Variants in PCDH9 observed in about 807,000 individuals in gnomAD.
The protein encoded by PCDH9 is protocadherin 9, also known as protocadherin-9.
In PCDH9, 24 loss-of-function variants were observed where a neutral mutation model predicts 70.6. The observed-to-expected ratio is 0.34, with a 90% CI of 0.25 to 0.48. PCDH9 has a LOEUF of 0.48. PCDH9 is among the 20% of genes least tolerant of loss of function. The pLI is 0.99. For synonymous variants in PCDH9, 562 were observed against 558.5 expected, an observed-to-expected ratio of 1.01 and a Z score of -0.09; for missense variants, 1,281 against 1,503.6, an observed-to-expected ratio of 0.85 and a Z score of 2.45.
intron 4 of PCDH9, among the ~76,000 whole-genome samples, chr13:66,621,440 G>T (rs35789557): frequency 0.069 from 10,472 of 152,252 alleles, 409 homozygotes; most frequent in Middle Eastern, 0.1. Context: ...GATTAATGAG[G>T]AGACAATTGC....
At chr13:66,819,523 G>C (rs887031772) in intron 3 of PCDH9, among the ~76,000 whole-genome samples, 15 of 152,038 alleles carry the variant, frequency 9.9e-5, no homozygotes, top group Non-Finnish European at 1.8e-4. Context: ...ATGAAAGGAC[G>C]ACACTTCTCA....
chr13:66,842,918 C>G (rs1278174200), intron 3 of PCDH9, among the ~76,000 whole-genome samples: 1 of 152,134 alleles, frequency 6.6e-6, no homozygotes, highest in Non-Finnish European at 1.5e-5. Flanking sequence ...AATTCAGAAA[C>G]ATGCCCAGCC....
intron 2 of PCDH9, chr13:67,203,424 A>G (rs948640620): frequency 3.3e-5 from 5 of 152,028 alleles, no homozygotes; most frequent in African/African-American, 1.2e-4. Context: ...CCAAATAATC[A>G]TCTTAAATTT....
At chr13:66,892,794 G>C (rs1418852706) in intron 3 of PCDH9, among the ~76,000 whole-genome samples, 1 of 151,982 alleles carries the variant, frequency 6.6e-6, no homozygotes, top group Non-Finnish European at 1.5e-5. Context: ...TAAAATACAA[G>C]GTAGAAGCAG....
chr13:67,222,170 C>A (rs1031783116), intron 2 of PCDH9: 9 of 150,710 alleles, frequency 6.0e-5, no homozygotes, highest in African/African-American at 1.2e-4. Flanking sequence ...TGAATTTTAT[C>A]ATTTAAAGCC....
At chr13:66,867,319 G>A (rs1251567786) in intron 3 of PCDH9, among the ~76,000 whole-genome samples, 5 of 152,042 alleles carry the variant, frequency 3.3e-5, no homozygotes, top group Non-Finnish European at 7.4e-5. Context: ...GCAGAAACAG[G>A]GAACAATTTG....
chr13:66,915,297 A>T (rs2082539224), intron 2 of PCDH9, among the ~76,000 whole-genome samples: 1 of 151,586 alleles, frequency 6.6e-6, no homozygotes, highest in Admixed American at 6.6e-5. Flanking sequence ...GCTTTTTGGG[A>T]TCTTGTATTA....
At chr13:67,221,809 G>A (rs141708446) in intron 2 of PCDH9, 2 of 152,048 alleles carry the variant, frequency 1.3e-5, no homozygotes, top group African/African-American at 4.8e-5. Flanking sequence ...CAATAAAACA[G>A]CTGTCAATAA....
intron 2 of PCDH9, among the ~76,000 whole-genome samples, chr13:67,095,068 T>G (rs534059345): frequency 2.8e-4 from 42 of 152,286 alleles, no homozygotes; most frequent in African/African-American, 9.9e-4. Flanking sequence ...GAGTTTTTTT[T>G]TCAAAAAGAC....
intron 2 of PCDH9, chr13:67,218,269 T>C (rs994234027): frequency 6.6e-6 from 1 of 152,000 alleles, no homozygotes; most frequent in African/African-American, 2.4e-5. Flanking sequence ...TGGAGGTGAA[T>C]CCCAAATTTC....
chr13:66,697,285 C>A (rs185023183), intron 3 of PCDH9, among the ~76,000 whole-genome samples: 1 of 152,050 alleles, frequency 6.6e-6, no homozygotes, highest in Non-Finnish European at 1.5e-5. Context: ...TTTCTCCCCC[C>A]CCAAAAAATA....
intron 4 of PCDH9, among the ~76,000 whole-genome samples, chr13:66,525,205 C>T (rs560622555): frequency 5.9e-5 from 9 of 152,104 alleles, no homozygotes; most frequent in Non-Finnish European, 1.2e-4. Flanking sequence ...CCCCTGATCT[C>T]CAACAGCGTC....
intron 2 of PCDH9, among the ~76,000 whole-genome samples, chr13:67,068,695 T>C (rs972196906): frequency 2.0e-4 from 30 of 152,266 alleles, no homozygotes; most frequent in African/African-American, 5.1e-4. Flanking sequence ...TAGAACCCTA[T>C]AGCACAAAAC....
At chr13:66,924,761 T>C (rs1406580353) in intron 2 of PCDH9, among the ~76,000 whole-genome samples, 1 of 151,784 alleles carries the variant, frequency 6.6e-6, no homozygotes, top group Non-Finnish European at 1.5e-5. Flanking sequence ...GCAGGTATGC[T>C]CAATATTAAA....
At chr13:67,006,956 T>A (rs1455233110) in intron 2 of PCDH9, among the ~76,000 whole-genome samples, 1 of 152,154 alleles carries the variant, frequency 6.6e-6, no homozygotes, top group Admixed American at 6.5e-5. Context: ...AAAAGGAAAA[T>A]ACTTTTTTAA....
intron 4 of PCDH9, among the ~76,000 whole-genome samples, chr13:66,586,220 G>A (rs2076960844): frequency 6.6e-6 from 1 of 151,974 alleles, no homozygotes; most frequent in African/African-American, 2.4e-5. Flanking sequence ...ACAGATTAAT[G>A]ACACAATATT....
chr13:66,818,237 G>A (rs1429117819), intron 3 of PCDH9, among the ~76,000 whole-genome samples: 1 of 152,074 alleles, frequency 6.6e-6, no homozygotes, highest in Non-Finnish European at 1.5e-5. Flanking sequence ...GGGCAAATGA[G>A]AAAACATATA....
chr13:66,387,826 CAGG>C (rs200424026), intron 4 of PCDH9, among the ~76,000 whole-genome samples: 3,473 of 152,142 alleles, frequency 0.023, 54 homozygotes, highest in Non-Finnish European at 0.039. Context: ...GATTTTTGAC[CAGG>C]AGCTTCTCAA....
chr13:66,917,044 G>C (rs952747257), intron 2 of PCDH9, among the ~76,000 whole-genome samples: 7 of 151,524 alleles, frequency 4.6e-5, no homozygotes, highest in Admixed American at 6.6e-5. Context: ...TAAAAATAAA[G>C]TCTGTTCCTA....
Sources: allele counts gnomAD v4.1 joint callset (sites outside exome capture counted in the v4.1 genomes callset), GRCh38; gene constraint gnomAD v4.1.1; transcripts MANE v1.5; gene names NCBI Gene and HGNC (gene_info 2026-07-23, HGNC 2026-07-21).